The following LRMDA variants were observed in gnomAD, a reference collection of about 807,000 sequenced individuals.
LRMDA encodes the protein leucine-rich melanocyte differentiation-associated protein.
LRMDA carries 18 observed loss-of-function variants against 29.8 expected under a neutral mutation model. That is an observed-to-expected ratio of 0.60 (90% CI 0.42 to 0.90). The LOEUF (loss-of-function observed/expected upper bound fraction) is 0.90. Ranked by LOEUF, LRMDA falls within the 40% of genes least tolerant of loss-of-function variation. The pLI is 0.00. For synonymous variants in LRMDA, 125 were observed against 109.4 expected (o/e 1.14, Z -0.89); for missense variants, 273 against 273.9 (o/e 1.00, Z 0.02).
At chr10:75,580,688 C>A (rs1480342315) in intron 2 of LRMDA, among the ~76,000 whole-genome samples, 1 of 152,148 alleles carries the variant, frequency 6.6e-6, no homozygotes, top group Non-Finnish European at 1.5e-5. Context: ...GCTACAGTAA[C>A]CAAAACAGCA....
chr10:75,576,236 G>GTA (rs1322944549), intron 2 of LRMDA, among the ~76,000 whole-genome samples: 1 of 152,216 alleles, frequency 6.6e-6, no homozygotes, highest in African/African-American at 2.4e-5. Flanking sequence ...CCCTCACAGT[G>GTA]TAAACAAAGC....
chr10:76,124,934 TG>T (rs1849853789), intron 5 of LRMDA, among the ~76,000 whole-genome samples: 1 of 152,222 alleles, frequency 6.6e-6, no homozygotes, highest in Admixed American at 6.5e-5. Context: ...AAGCAGGGTT[TG>T]GGGGCCATAC....
chr10:75,612,773 T>C (rs1841048657), intron 2 of LRMDA, among the ~76,000 whole-genome samples: 1 of 151,426 alleles, frequency 6.6e-6, no homozygotes, highest in South Asian at 2.1e-4. Context: ...AGAGAAAATA[T>C]TGATGCAGAA....
intron 2 of LRMDA, among the ~76,000 whole-genome samples, chr10:75,818,371 C>T (rs980512991): frequency 4.6e-5 from 7 of 152,176 alleles, no homozygotes; most frequent in African/African-American, 1.7e-4. Flanking sequence ...CTGTTATACA[C>T]TGGGAACTCT....
At chr10:76,478,323 A>C (rs1842699382) in intron 6 of LRMDA, among the ~76,000 whole-genome samples, 1 of 152,218 alleles carries the variant, frequency 6.6e-6, no homozygotes, top group Non-Finnish European at 1.5e-5. Flanking sequence ...GCCATCAGAG[A>C]AATGCAAATC....
intron 6 of LRMDA, among the ~76,000 whole-genome samples, chr10:76,428,479 A>G (rs1298765341): frequency 2.7e-4 from 41 of 152,148 alleles, no homozygotes; most frequent in Non-Finnish European, 8.8e-5. Context: ...TTCATGAGCT[A>G]TAGACCCATC....
chr10:75,640,051 G>GTT (rs1841433630), intron 2 of LRMDA, among the ~76,000 whole-genome samples: 1 of 152,260 alleles, frequency 6.6e-6, no homozygotes. Flanking sequence ...CTTAGTCTGG[G>GTT]GTGAAGATGA....
chr10:76,502,047 G>T (rs1459515288), intron 6 of LRMDA, among the ~76,000 whole-genome samples: 1 of 151,934 alleles, frequency 6.6e-6, no homozygotes, highest in Non-Finnish European at 1.5e-5. Context: ...TGTGGTGAAG[G>T]GTAGTGGTCC....
intron 2 of LRMDA, among the ~76,000 whole-genome samples, chr10:75,865,721 C>G (rs1845007271): frequency 1.3e-5 from 2 of 152,088 alleles, no homozygotes; most frequent in Non-Finnish European, 2.9e-5. Context: ...CCTTCTCCTG[C>G]CATTTGACTT....
At chr10:75,678,329 G>A (rs574634766) in intron 2 of LRMDA, among the ~76,000 whole-genome samples, 52 of 152,192 alleles carry the variant, frequency 3.4e-4, no homozygotes, top group African/African-American at 1.0e-3. Flanking sequence ...GACAAGAACC[G>A]CTTATAAAAA....
At chr10:76,024,881 T>A (rs751409015) in intron 2 of LRMDA, among the ~76,000 whole-genome samples, 9 of 152,228 alleles carry the variant, frequency 5.9e-5, no homozygotes, top group Non-Finnish European at 1.3e-4. Context: ...AAGAGCAGCG[T>A]TCTTGGCCCA....
At chr10:75,652,964 G>T (rs933617549) in intron 2 of LRMDA, among the ~76,000 whole-genome samples, 2 of 152,216 alleles carry the variant, frequency 1.3e-5, no homozygotes, top group Admixed American at 1.3e-4. Context: ...AAAGGCCAGA[G>T]ATGTTGATTC....
intron 5 of LRMDA, among the ~76,000 whole-genome samples, chr10:76,205,088 C>T (rs1056604668): frequency 6.6e-6 from 1 of 152,132 alleles, no homozygotes; most frequent in African/African-American, 2.4e-5. Flanking sequence ...CTCTAACTGC[C>T]AGAGGTAGTA....
At chr10:75,692,428 T>C (rs2132162486) in intron 2 of LRMDA, among the ~76,000 whole-genome samples, 1 of 150,524 alleles carries the variant, frequency 6.6e-6, no homozygotes, top group South Asian at 2.1e-4. Flanking sequence ...TGCATATATA[T>C]ATACACACAT....
chr10:76,331,425 C>T (rs534608070), intron 6 of LRMDA, among the ~76,000 whole-genome samples: 10 of 152,224 alleles, frequency 6.6e-5, no homozygotes, highest in African/African-American at 2.4e-4. Flanking sequence ...ATTAGTCTTT[C>T]AAGAGAGCTA....
At chr10:76,365,063 T>C (rs1343392568) in intron 6 of LRMDA, among the ~76,000 whole-genome samples, 1 of 30,338 alleles carries the variant, frequency 3.3e-5, no homozygotes. Flanking sequence ...TATTCCATCG[T>C]ATATATATAC....
chr10:76,332,759 T>C (rs1030385975), intron 6 of LRMDA, among the ~76,000 whole-genome samples: 4 of 152,212 alleles, frequency 2.6e-5, no homozygotes, highest in African/African-American at 9.6e-5. Context: ...CAAAGATTGC[T>C]ATGAGCACAG....
At chr10:75,518,691 C>G (rs955966378) in intron 2 of LRMDA, among the ~76,000 whole-genome samples, 5 of 152,080 alleles carry the variant, frequency 3.3e-5, no homozygotes, top group African/African-American at 1.2e-4. Context: ...TTTTTTGTGT[C>G]TCTATCTCCT....
intron 2 of LRMDA, among the ~76,000 whole-genome samples, chr10:75,824,815 G>A (rs1421777035): frequency 6.6e-6 from 1 of 152,192 alleles, no homozygotes; most frequent in Non-Finnish European, 1.5e-5. Context: ...TGAAAACTTT[G>A]CTACTGATTC....
Sources: allele counts gnomAD v4.1 joint callset (sites outside exome capture counted in the v4.1 genomes callset), GRCh38; gene constraint gnomAD v4.1.1; transcripts MANE v1.5; gene names NCBI Gene and HGNC (gene_info 2026-07-23, HGNC 2026-07-21).